The following PLK5 variants were observed in gnomAD, a reference collection of about 807,000 sequenced individuals.
PLK5 encodes the protein inactive serine/threonine-protein kinase PLK5.
PLK5 carries 28 observed loss-of-function variants against 33.7 expected under a neutral mutation model. The observed-to-expected ratio is 0.83, with a 90% CI of 0.62 to 1.14. The LOEUF (loss-of-function observed/expected upper bound fraction) is 1.14. PLK5 is among the 50% of genes most tolerant of loss of function. The pLI, the probability that PLK5 is intolerant of heterozygous loss-of-function variation, is 0.00. For synonymous variants in PLK5, 225 were observed against 202.2 expected, an observed-to-expected ratio of 1.11 and a Z score of -0.96; for missense variants, 492 against 461.5, an observed-to-expected ratio of 1.07 and a Z score of -0.61.
chr19:1,528,521 C>T lies in PLK5; in HGVS notation c.328+93C>T, dbSNP rs2064764840. 2.0e-5 allele frequency: 18 copies of T among 921,376 alleles called. 3 individuals are homozygous for T. The highest frequency in any genetic ancestry group is 2.6e-5 in the Non-Finnish European group (18 of 684,102). The allele number at this position is 921,376 out of a possible 1,614,324, so 57.1% of individuals were successfully genotyped here. ...CCTGCCCACGCCTCCCACCTGCCCA[C>T]ACCTCCCACCTGCCCACGCCTCCCA... On this transcript the variant is annotated intron_variant, in intron 8 of 13. Transcript: ENST00000454744.
intron 12 of PLK5, among the ~76,000 whole-genome samples, chr19:1,532,521 CTTT>C (rs10545181): frequency 1.6e-4 from 19 of 118,778 alleles, no homozygotes; most frequent in East Asian, 2.8e-4. Flanking sequence ...AAATTTTCTT[CTTT>C]TTTTTTTTTT....
At chr19:1,531,104 C>A (rs1459433669) in intron 11 of PLK5, among the ~76,000 whole-genome samples, 1 of 149,006 alleles carries the variant, frequency 6.7e-6, no homozygotes. Context: ...AGCCAACAGA[C>A]AAACAAGCAA....
intron 12 of PLK5, among the ~76,000 whole-genome samples, chr19:1,532,521 CTT>C (rs10545181): frequency 0.052 from 6,219 of 118,606 alleles, 282 homozygotes; most frequent in African/African-American, 0.15. Flanking sequence ...AAATTTTCTT[CTT>C]TTTTTTTTTT....
At chr19:1,530,689 G>A (rs1362118597) in intron 11 of PLK5, among the ~76,000 whole-genome samples, 14 of 135,730 alleles carry the variant, frequency 1.0e-4, no homozygotes, top group East Asian at 2.2e-4. Flanking sequence ...GCGTGATCTC[G>A]GCTCACTGCA....
chr19:1,528,009 G>A lies in PLK5; in HGVS notation c.76G>A (p.Gly26Ser). The A allele has an allele frequency of 6.5e-7, 1 of 1,536,090 alleles. No individual in the cohort carries two copies. The highest frequency in any genetic ancestry group is 8.7e-7 in the Non-Finnish European group (1 of 1,146,874). Residue 26 changes from glycine to serine, a missense_variant, in exon 7 of 14, where the codon GGC becomes AGC. By Grantham distance (56) the Gly-to-Ser change is moderately conservative. Coordinates refer to ENST00000454744, the MANE Select transcript of PLK5 (RefSeq NM_001243079.2). ...GGAGATGTACCAAAACATCCGTGAG[G>A]GCCACTACCCCGAACCCGCTCACCT... is the stretch of plus-strand genomic sequence containing the variant. Reference protein sequence around the residue: ...LSEMYQNIREGHYPEPAHLSA... With the variant: ...LSEMYQNIRESHYPEPAHLSA...
In PLK5 at chr19:1,534,040, A is replaced by C; in HGVS notation, c.824A>C (p.Gln275Pro). The C allele has an allele frequency of 6.5e-7, 1 of 1,534,948 alleles. No individual in the cohort carries two copies. Among genetic ancestry groups the C allele is most frequent in the South Asian group, 1.2e-5 (1 of 84,020 alleles). ...CTGCTGTTCAGCAATGGGATGGTGC[A>C]GGTGAGCCCGGGGCTCAAACTCGGG... The part of the protein sequence containing the change: ...LLLLFSNGMV[Q>P]VSFSGVPAQL... Residue 275 changes from glutamine to proline, a missense_variant and splice_region_variant, in exon 13 of 14, where the codon CAG becomes CCG. Physicochemically the swap from Gln to Pro is moderately conservative, Grantham distance 76. Coordinates refer to ENST00000454744, the MANE Select transcript of PLK5 (RefSeq NM_001243079.2).
intron 12 of PLK5, among the ~76,000 whole-genome samples, chr19:1,532,539 T>C (rs1427681647): frequency 6.9e-6 from 1 of 145,108 alleles, no homozygotes; most frequent in African/African-American, 2.7e-5. Flanking sequence ...TTTTTTTTTT[T>C]TGAGATGGAG....
chr19:1,530,649 T>C (rs190952514), intron 11 of PLK5, among the ~76,000 whole-genome samples: 1,152 of 114,982 alleles, frequency 0.01, 17 homozygotes, highest in African/African-American at 0.036. Context: ...AGACGGAGTC[T>C]CACTCTGTCG....
At position 1,528,003 on chromosome 19, in the gene PLK5, C is replaced by G; in HGVS notation, c.70C>G (p.Arg24Gly). ...SPLSEMYQNI[R>G]EGHYPEPAHL... Reference sequence around the variant, plus strand: ...CCTGTCGGAGATGTACCAAAACATCCGTGAGGGCCACTACCCCGAACCCGC... The same window carrying G: ...CCTGTCGGAGATGTACCAAAACATCGGTGAGGGCCACTACCCCGAACCCGC... The change falls in exon 7 of 14, where the codon CGT becomes GGT. Residue 24 changes from arginine to glycine, a missense_variant. Transcript: ENST00000454744. 1 of 1,536,128 alleles carries G rather than the reference C, an allele frequency of 6.5e-7. No individual in the cohort carries two copies. Among genetic ancestry groups the G allele is most frequent in the Non-Finnish European group, 8.7e-7 (1 of 1,146,870 alleles).
rs955287053 is a variant in PLK5, at chr19:1,526,222, T to C, written c.-312-264T>C. ...CTGGCCCTTCTCAAGCTGACAAGCA[T>C]GTCCACCAGCGCCGTGTTCACCCTC... On this transcript the variant is annotated intron_variant, in intron 3 of 13. Coordinates refer to ENST00000454744, the MANE Select transcript of PLK5 (RefSeq NM_001243079.2). Among the ~76,000 whole-genome samples, 6 of 152,118 alleles carry C rather than the reference T, an allele frequency of 3.9e-5. No individual in the cohort carries two copies. In the East Asian group the frequency reaches 1.2e-3, roughly 29 times the overall value.
intron 13 of PLK5, 140 bp downstream of exon 13, chr19:1,534,181 G>T: frequency 1.5e-6 from 1 of 670,044 alleles, no homozygotes; most frequent in Non-Finnish European, 2.5e-6. Flanking sequence ...AAAGGTATTG[G>T]CTCCTGCGTA....
Position 1,535,423 on chromosome 19 carries a change from T to C in PLK5, c.*173T>C. 1 of 641,924 alleles carries C rather than the reference T, an allele frequency of 1.6e-6. No individual in the cohort carries two copies. The highest frequency in any genetic ancestry group is 2.5e-6 in the Non-Finnish European group (1 of 404,184). The allele number at this position is 641,924 out of a possible 1,614,324, so 39.8% of individuals were successfully genotyped here. On this transcript the variant is annotated 3_prime_UTR_variant, in exon 14 of 14. Transcript: ENST00000454744. ...TCAACCCAGACTTTGCTGGGATCTCTTCCTTTTTCATTAAAGACAATTTGA... is the reference window on the plus strand; with the variant it reads ...TCAACCCAGACTTTGCTGGGATCTCCTCCTTTTTCATTAAAGACAATTTGA...
chr19:1,526,505 G>T lies in PLK5; in HGVS notation c.-293G>T. On this transcript the variant is annotated 5_prime_UTR_variant, in exon 4 of 14. In the 5' UTR this introduces an upstream ATG that the reference lacks. Transcript: ENST00000454744. ...CCACAGTCTTTGGCCCACGTGCTGA[G>T]GGCGCGGCAGATCCTGACGGAGCCA... 1 of 272,696 alleles carries T rather than the reference G, an allele frequency of 3.7e-6. No homozygotes were observed. The highest frequency in any genetic ancestry group is 3.1e-5 in the South Asian group (1 of 32,504). The allele number at this position is 272,696 out of a possible 1,614,324, so 16.9% of individuals were successfully genotyped here.
intron 6 of PLK5, 37 bp downstream of exon 6, chr19:1,527,035 G>C: frequency 7.4e-7 from 1 of 1,357,232 alleles, no homozygotes; most frequent in East Asian, 2.7e-5. Context: ...CAGGGCCTCC[G>C]GGGGGGGCAG....
intron 12 of PLK5, among the ~76,000 whole-genome samples, chr19:1,532,280 C>T (rs935539121): frequency 6.6e-6 from 1 of 152,088 alleles, no homozygotes; most frequent in Non-Finnish European, 1.5e-5. Flanking sequence ...GTGGCACACA[C>T]CTATAATCCT....
At position 1,524,092 on chromosome 19, in the gene PLK5, CGGCCGCAGCGCGGT is replaced by C. The variant is rs1228567969; in HGVS notation, c.-695_-682del. 2.6e-5 allele frequency: 4 copies of C among 151,202 alleles called. No homozygotes were observed. The highest frequency in any genetic ancestry group is 2.6e-4 in the Admixed American group (4 of 15,180). 9.4% of individuals were successfully genotyped at this position (151,202 alleles called of 1,614,324 possible). ...CTGCGCCCTCAGAGCGGCCCCGGAG[CGGCCGCAGCGCGGT>C]GGTCTCGGCCCGGCTGCGCCAGAGT... is the stretch of plus-strand genomic sequence containing the variant. On this transcript the variant is annotated 5_prime_UTR_variant, in exon 1 of 14. Coordinates refer to ENST00000454744, the MANE Select transcript of PLK5 (RefSeq NM_001243079.2). This position sits in a 1 kb window ranked among gnomAD's most constrained non-coding sequence, Gnocchi z 4.5.
rs10406566 is a variant in PLK5 at position 1,534,060 on chromosome 19, C to A, written c.825+19C>A. The A allele has an allele frequency of 0.012, 18,267 of 1,525,318 alleles. 1,722 individuals carry two copies. In the African/African-American group the frequency reaches 0.22, roughly 18 times the overall value. 94.5% of individuals were successfully genotyped at this position (1,525,318 alleles called of 1,614,324 possible). A position where few individuals can be genotyped will look rare whatever the true frequency, so the allele number is the denominator to read the frequency against. On this transcript the variant is annotated intron_variant, in intron 13 of 13. Transcript: ENST00000454744. ...GGTGCAGGTGAGCCCGGGGCTCAAA[C>A]TCGGGGCACTGGGGCTCGGCAGGGT...
chr19:1,533,646 G>C (rs1913997325), intron 12 of PLK5: 1 of 547,846 alleles, frequency 1.8e-6, no homozygotes, highest in Non-Finnish European at 3.3e-6. Flanking sequence ...ACCATTCCAG[G>C]GGGTGTAGGT....
chr19:1,528,799 C>T (rs1050925767), intron 8 of PLK5, 99 bp from the exon 9 acceptor site: 13 of 1,000,844 alleles, frequency 1.3e-5, no homozygotes, highest in Non-Finnish European at 1.8e-5. Flanking sequence ...CTGCTCCGCT[C>T]TGTCTCCACA....
Sources: gnomAD v4.1 joint callset for allele counts (sites outside exome capture counted in the v4.1 genomes callset) on GRCh38, gnomAD v4.1.1 for gene constraint, Gnocchi (gnomAD v3.1) non-coding constraint, MANE v1.5 for transcripts, NCBI Gene and HGNC (gene_info 2026-07-23, HGNC 2026-07-21) for gene names.